The following WDPCP variants were observed in gnomAD, a reference collection of about 807,000 sequenced individuals.
WDPCP encodes the protein WD repeat containing planar cell polarity effector.
A neutral mutation model predicts 93.1 loss-of-function variants in WDPCP; 71 were observed. The ratio of observed to expected loss-of-function variants is 0.76; its 90% confidence interval spans 0.63 to 0.93. WDPCP has a LOEUF of 0.93. WDPCP is among the 40% of genes least tolerant of loss of function. The probability of loss-of-function intolerance (pLI) is 0.00; values close to 1 mark genes in which losing one functional copy is unlikely to be tolerated. For synonymous variants in WDPCP, 315 were observed against 315.0 expected, an observed-to-expected ratio of 1.00 and a Z score of 0.00; for missense variants, 844 against 887.4, an observed-to-expected ratio of 0.95 and a Z score of 0.62.
intron 14 of WDPCP, among the ~76,000 whole-genome samples, chr2:63,219,172 C>G (rs542205568): frequency 6.6e-6 from 1 of 152,254 alleles, no homozygotes; most frequent in South Asian, 2.1e-4. Flanking sequence ...GGAACATTTT[C>G]TGAATTCACC....
intron 12 of WDPCP, among the ~76,000 whole-genome samples, chr2:63,364,051 T>TA (rs1318970020): frequency 5.3e-5 from 8 of 151,088 alleles, no homozygotes; most frequent in South Asian, 2.1e-4. Flanking sequence ...TCCCTGTCTT[T>TA]AAAAAAAAAT....
At chr2:63,289,669 G>A (rs927111873) in intron 13 of WDPCP, among the ~76,000 whole-genome samples, 3 of 151,988 alleles carry the variant, frequency 2.0e-5, no homozygotes, top group African/African-American at 7.2e-5. Context: ...TTCAAAAAAT[G>A]TCAGATCAAG....
At chr2:63,723,828 A>G (rs1166620150) in intron 2 of WDPCP, among the ~76,000 whole-genome samples, 3 of 152,098 alleles carry the variant, frequency 2.0e-5, no homozygotes, top group Non-Finnish European at 2.9e-5. Context: ...AAAAAAAAGG[A>G]GAAGAAAAAT....
At chr2:63,636,703 C>A (rs573375349) in intron 3 of WDPCP, among the ~76,000 whole-genome samples, 1 of 152,196 alleles carries the variant, frequency 6.6e-6, no homozygotes, top group African/African-American at 2.4e-5. Context: ...TAAAACAGTA[C>A]AATACTGGCC....
intron 12 of WDPCP, chr2:63,369,573 A>G: frequency 2.2e-6 from 1 of 454,262 alleles, no homozygotes; most frequent in Non-Finnish European, 4.4e-6. Flanking sequence ...CACATTTTGT[A>G]CATCCCAAAT....
At chr2:63,703,701 A>G (rs2103718382) in intron 2 of WDPCP, among the ~76,000 whole-genome samples, 1 of 152,258 alleles carries the variant, frequency 6.6e-6, no homozygotes, top group South Asian at 2.1e-4. Flanking sequence ...TGGTTACTGT[A>G]GCCTTGTAGT....
intron 13 of WDPCP, among the ~76,000 whole-genome samples, chr2:63,300,709 A>G (rs1433543672): frequency 1.3e-5 from 2 of 152,242 alleles, no homozygotes; most frequent in Non-Finnish European, 2.9e-5. Flanking sequence ...AATGTCTAGT[A>G]ACTGGGGATA....
intron 2 of WDPCP, among the ~76,000 whole-genome samples, chr2:63,669,743 C>T (rs1710323472): frequency 6.6e-6 from 1 of 152,142 alleles, no homozygotes; most frequent in South Asian, 2.1e-4. Flanking sequence ...CTCAAAACCC[C>T]AGTGTTGTGC....
chr2:63,638,582 G>A (rs1467052798), intron 3 of WDPCP, among the ~76,000 whole-genome samples: 3 of 152,098 alleles, frequency 2.0e-5, no homozygotes, highest in Admixed American at 2.0e-4. Flanking sequence ...TTGAGGCCTG[G>A]ATTATGAGAC....
chr2:63,511,000 C>A (rs1272474811), intron 1 of WDPCP, among the ~76,000 whole-genome samples: 1 of 151,916 alleles, frequency 6.6e-6, no homozygotes, highest in Non-Finnish European at 1.5e-5. Flanking sequence ...TAAATAAAAC[C>A]CCATCATCTC....
intron 9 of WDPCP, among the ~76,000 whole-genome samples, chr2:63,429,707 A>G (rs141408268): frequency 2.0e-5 from 3 of 152,120 alleles, no homozygotes; most frequent in South Asian, 2.1e-4. Flanking sequence ...GACGCTGCAG[A>G]AAAAAAGGGA....
chr2:63,555,619 G>A (rs1706053728), intron 1 of WDPCP, among the ~76,000 whole-genome samples: 1 of 152,162 alleles, frequency 6.6e-6, no homozygotes, highest in Non-Finnish European at 1.5e-5. Flanking sequence ...GCCCCTCTGG[G>A]ATGGAAATCC....
intron 14 of WDPCP, among the ~76,000 whole-genome samples, chr2:63,212,794 C>CA (rs544051993): frequency 0.25 from 30,186 of 122,700 alleles, 3,774 homozygotes; most frequent in Non-Finnish European, 0.34. Context: ...AAATGGAAAA[C>CA]AAAAAAAAAA....
At chr2:63,127,007 G>A (rs1281323987) in intron 17 of WDPCP, among the ~76,000 whole-genome samples, 1 of 151,780 alleles carries the variant, frequency 6.6e-6, no homozygotes, top group Non-Finnish European at 1.5e-5. Flanking sequence ...GACTTTTGCT[G>A]TGTATATAAT....
chr2:63,205,940 G>A (rs769111708), intron 14 of WDPCP, among the ~76,000 whole-genome samples: 8 of 152,028 alleles, frequency 5.3e-5, no homozygotes, highest in Non-Finnish European at 1.0e-4. Context: ...TTTCTCATTC[G>A]GTATGTTACC....
At chr2:63,595,303 C>A (rs1709285979) in intron 3 of WDPCP, 2 of 721,360 alleles carry the variant, frequency 2.8e-6, no homozygotes, top group Admixed American at 2.0e-5. Flanking sequence ...AAATAATCAT[C>A]ATGACTAATT....
intron 10 of WDPCP, among the ~76,000 whole-genome samples, chr2:63,385,816 A>C (rs1279362713): frequency 6.6e-6 from 1 of 152,046 alleles, no homozygotes; most frequent in African/African-American, 2.4e-5. Flanking sequence ...AGAAGAATAA[A>C]GTTGAAGGAC....
the WDPCP span, among the ~76,000 whole-genome samples, chr2:63,836,834 G>C: frequency 6.6e-6 from 1 of 152,202 alleles, no homozygotes; most frequent in African/African-American, 2.4e-5. Context: ...ACTTTCAAAG[G>C]AGAATCTAGA....
chr2:63,460,832 T>C (rs1273313183), intron 6 of WDPCP, among the ~76,000 whole-genome samples: 1 of 151,518 alleles, frequency 6.6e-6, no homozygotes, highest in Non-Finnish European at 1.5e-5. Flanking sequence ...TTCACCATGT[T>C]AGCCAGGATG....
Sources: gnomAD v4.1 joint callset for allele counts (sites outside exome capture counted in the v4.1 genomes callset) on GRCh38, gnomAD v4.1.1 for gene constraint, MANE v1.5 for transcripts, NCBI Gene and HGNC (gene_info 2026-07-23, HGNC 2026-07-21) for gene names.